Variants in PHC1 observed in about 807,000 individuals in gnomAD.
The protein encoded by PHC1 is polyhomeotic homolog 1.
In PHC1, 12 loss-of-function variants were observed where a neutral mutation model predicts 104.3. That is an observed-to-expected ratio of 0.12 (90% CI 0.07 to 0.19). The LOEUF (loss-of-function observed/expected upper bound fraction) is 0.19. Among genes scored for constraint, PHC1 ranks in the 10% least tolerant of loss-of-function variants. The pLI is 1.00. For missense variants in PHC1, 671 were observed against 1,200.0 expected (o/e 0.56, Z 6.51); for synonymous variants, 302 against 455.8 (o/e 0.66, Z 4.30).
intron 5 of PHC1, 52 bp from the exon 6 acceptor site, chr12:8,922,581 T>C: frequency 6.7e-7 from 1 of 1,482,724 alleles, no homozygotes; most frequent in Non-Finnish European, 9.2e-7. Context: ...ATCTCTTCTG[T>C]CTCTTCTTTC....
chr12:8,927,897 CTT>C (rs1565517504), intron 6 of PHC1, among the ~76,000 whole-genome samples: 1 of 110,672 alleles, frequency 9.0e-6, no homozygotes, highest in Non-Finnish European at 1.8e-5. Context: ...TTCTTTCTTT[CTT>C]TCTTTCTTTC....
chr12:8,923,500 C>A (rs1945422500), intron 6 of PHC1, among the ~76,000 whole-genome samples: 1 of 152,148 alleles, frequency 6.6e-6, no homozygotes, highest in Non-Finnish European at 1.5e-5. Flanking sequence ...TCTCTGGCTT[C>A]CACATCTGCA....
Position 8,937,909 on chromosome 12 carries a change from A to G in PHC1, c.2709A>G (p.Ser903=). The G allele has an allele frequency of 6.2e-7, 1 of 1,608,724 alleles. No individual in the cohort carries two copies. Among genetic ancestry groups the G allele is most frequent in the South Asian group, 1.1e-5 (1 of 90,890 alleles). ...CTCCAACATCTCCTGGGCCTTTATC[A>G]GTAAGAGCTGGGCATGGAGAACGTG... ...ALSPTSPGPL[S]VRAGHGERDL... is the part of the protein sequence containing the mutation. Residue 903 remains serine (S), a synonymous_variant, in exon 14 of 15, where the codon TCA becomes TCG. Coordinates refer to ENST00000544916, the MANE Select transcript of PHC1 (RefSeq NM_004426.3).
chr12:8,938,142 T>A (rs1436689009), intron 14 of PHC1, 82 bp downstream of exon 14: 2 of 924,236 alleles, frequency 2.2e-6, no homozygotes, highest in Non-Finnish European at 1.7e-6. Context: ...GGAAAGTAAT[T>A]GACTTTTAAG....
At chr12:8,937,402 C>CCTG in intron 13 of PHC1, 76 bp downstream of exon 13, 6 of 1,340,358 alleles carry the variant, frequency 4.5e-6, no homozygotes, top group African/African-American at 1.5e-5. Context: ...ATTCATTTGC[C>CCTG]CAGGTAAGAG....
Position 8,930,659 on chromosome 12 carries a change from G to C in PHC1, c.837G>C (p.Met279Ile), listed in dbSNP as rs1413005633. The change falls in exon 7 of 15, where the codon ATG becomes ATC. Residue 279 changes from methionine (M) to isoleucine (I), a missense_variant. By Grantham distance (10) the Met-to-Ile change is conservative. Coordinates refer to ENST00000544916, the MANE Select transcript of PHC1 (RefSeq NM_004426.3). ...GGSGNSIPGS[M>I]GPGGGGQAHG... ...GTGGGAATAGCATCCCAGGGTCCAT[G>C]GGTCCAGGTGGAGGTGGGCAGGCAC... 1 of 1,408,978 alleles carries C rather than the reference G, an allele frequency of 7.1e-7. No homozygotes were observed. Among genetic ancestry groups the C allele is most frequent in the Non-Finnish European group, 9.7e-7 (1 of 1,033,094 alleles). The allele number at this position is 1,408,978 out of a possible 1,614,324, so 87.3% of individuals were successfully genotyped here. A position where few individuals can be genotyped will look rare whatever the true frequency, so the allele number is the denominator to read the frequency against.
chr12:8,933,957 G>A lies in PHC1; in HGVS notation c.1986G>A (p.Lys662=), dbSNP rs1805773. The A allele has an allele frequency of 0.15, 242,662 of 1,612,980 alleles. 19,527 individuals carry two copies. The highest frequency in any genetic ancestry group is 0.22 in the African/African-American group (16,604 of 74,944). ...VSTLGSMLPA[K]ASPVAESPKV... Reference sequence around the variant, plus strand: ...CATTGGGTTCAATGCTTCCTGCCAAGGCATCTCCAGTAGCAGAAAGCCCAA... The same window carrying A: ...CATTGGGTTCAATGCTTCCTGCCAAAGCATCTCCAGTAGCAGAAAGCCCAA... Residue 662 remains lysine (K), a synonymous_variant, in exon 9 of 15, where the codon AAG becomes AAA. Transcript: ENST00000544916.
chr12:8,922,532 A>G, intron 5 of PHC1, 101 bp from the exon 6 acceptor site: 2 of 1,040,732 alleles, frequency 1.9e-6, no homozygotes. Context: ...CAGCTGTTTA[A>G]TATCTTCTGT....
At chr12:8,916,641 T>C (rs1009023868) in intron 1 of PHC1, among the ~76,000 whole-genome samples, 6 of 152,122 alleles carry the variant, frequency 3.9e-5, no homozygotes, top group Non-Finnish European at 8.8e-5. Flanking sequence ...CAAATGTAAG[T>C]GTAGTCCCCA....
chr12:8,937,471 C>T, intron 13 of PHC1, 145 bp downstream of exon 13: 1 of 774,406 alleles, frequency 1.3e-6, no homozygotes, highest in Admixed American at 3.0e-5. Context: ...TCCAAGAGAT[C>T]CTGACCCCCT....
chr12:8,932,524 C>CT (rs765461705), intron 7 of PHC1, 39 bp from the exon 8 acceptor site: 6 of 1,596,488 alleles, frequency 3.8e-6, no homozygotes, highest in Admixed American at 1.7e-5. Context: ...ATTCTCTGCT[C>CT]TTTTTTCTCT....
At chr12:8,931,050 A>G (rs1372987368) in intron 7 of PHC1, 123 bp downstream of exon 7, 2 of 968,188 alleles carry the variant, frequency 2.1e-6, no homozygotes, top group Non-Finnish European at 3.0e-6. Context: ...GTCCTTGAAT[A>G]GTGGAAGGAA....
chr12:8,935,334 G>A, intron 11 of PHC1, 96 bp downstream of exon 11: 3 of 671,382 alleles, frequency 4.5e-6, no homozygotes, highest in South Asian at 1.9e-5. Flanking sequence ...TTTATTTAAA[G>A]TAGAAATGAG....
intron 4 of PHC1, 144 bp downstream of exon 4, chr12:8,921,209 G>T: frequency 1.6e-6 from 1 of 630,050 alleles, no homozygotes; most frequent in African/African-American, 1.8e-5. Flanking sequence ...GTAGTACAAG[G>T]GGAAAGTAAC....
chr12:8,935,312 A>G, intron 11 of PHC1, 74 bp downstream of exon 11: 3 of 243,390 alleles, frequency 1.2e-5, no homozygotes, highest in Non-Finnish European at 2.3e-5. Flanking sequence ...GGTGTAAAAT[A>G]GTAGTTACCT....
chr12:8,937,444 A>G, intron 13 of PHC1, 118 bp downstream of exon 13: 1 of 927,132 alleles, frequency 1.1e-6, no homozygotes, highest in Non-Finnish European at 1.6e-6. Flanking sequence ...TTTCACATTG[A>G]TTGCATTACT....
intron 7 of PHC1, among the ~76,000 whole-genome samples, chr12:8,931,890 A>T (rs748934403): frequency 2.2e-4 from 33 of 152,308 alleles, no homozygotes; most frequent in African/African-American, 7.5e-4. Context: ...TTCTATTTCT[A>T]AATTGCTTTA....
chr12:8,915,803 G>T (rs1484198599), intron 1 of PHC1: 1 of 152,692 alleles, frequency 6.5e-6, no homozygotes, highest in Non-Finnish European at 1.5e-5. Flanking sequence ...ATTTTATTGA[G>T]ACTTTTAAGT....
Position 8,925,976 on chromosome 12 carries a change from T to G in PHC1, c.612+3188T>G, listed in dbSNP as rs781398250. Among the ~76,000 whole-genome samples, 27 of 152,110 alleles carry G rather than the reference T, an allele frequency of 1.8e-4. 1 individual carries two copies. The highest frequency in any genetic ancestry group is 2.0e-4 in the Admixed American group (3 of 15,264). On this transcript the variant is annotated intron_variant, in intron 6 of 14. Coordinates refer to ENST00000544916, the MANE Select transcript of PHC1 (RefSeq NM_004426.3). Reference sequence around the variant, plus strand: ...TGGAGATGGACAGAAATGCATAGATTTGAGGATAACTTAGAAGAATCATTG... The same window carrying G: ...TGGAGATGGACAGAAATGCATAGATGTGAGGATAACTTAGAAGAATCATTG...
Sources: allele counts gnomAD v4.1 joint callset (sites outside exome capture counted in the v4.1 genomes callset), GRCh38; gene constraint gnomAD v4.1.1; transcripts MANE v1.5; gene names NCBI Gene and HGNC (gene_info 2026-07-23, HGNC 2026-07-21).